Variants in NCAM2 observed in about 807,000 individuals in gnomAD.
NCAM2 encodes neural cell adhesion molecule 2.
A neutral mutation model predicts 98.1 loss-of-function variants in NCAM2; 30 were observed. The ratio of observed to expected loss-of-function variants is 0.31; its 90% CI spans 0.23 to 0.41. The LOEUF (loss-of-function observed/expected upper bound fraction) is 0.41. Ranked by LOEUF, NCAM2 falls within the 10% of genes least tolerant of loss-of-function variation. The pLI is 1.00. For missense variants in NCAM2, 867 were observed against 1,005.8 expected, an observed-to-expected ratio of 0.86 and a Z score of 1.87; for synonymous variants, 368 against 342.4, an observed-to-expected ratio of 1.07 and a Z score of -0.83.
intron 1 of NCAM2, among the ~76,000 whole-genome samples, chr21:21,105,922 A>G (rs186078817): frequency 4.5e-4 from 68 of 152,302 alleles, no homozygotes; most frequent in African/African-American, 1.6e-3. Context: ...TATCGTATAT[A>G]ATTAATCTTG....
intron 15 of NCAM2, among the ~76,000 whole-genome samples, chr21:21,506,093 T>C (rs932146675): frequency 1.3e-5 from 2 of 152,076 alleles, no homozygotes; most frequent in African/African-American, 4.8e-5. Context: ...ATCAGATATA[T>C]TGTCATTGAT....
chr21:21,096,136 G>A (rs1380882889), intron 1 of NCAM2, among the ~76,000 whole-genome samples: 1 of 151,558 alleles, frequency 6.6e-6, no homozygotes, highest in African/African-American at 2.4e-5. Context: ...TAATACTTCG[G>A]ATAATGCCAC....
intron 15 of NCAM2, among the ~76,000 whole-genome samples, chr21:21,485,911 A>C (rs954737399): frequency 2.6e-5 from 4 of 152,040 alleles, no homozygotes; most frequent in South Asian, 2.1e-4. Flanking sequence ...TTTTCTTTTA[A>C]CTTATCTTTT....
chr21:21,372,009 G>A (rs2075928115), intron 8 of NCAM2, among the ~76,000 whole-genome samples: 1 of 151,698 alleles, frequency 6.6e-6, no homozygotes, highest in East Asian at 1.9e-4. Flanking sequence ...AGAATAGAAA[G>A]TTTTGGAATA....
At chr21:21,272,752 G>T (rs2072566096) in intron 1 of NCAM2, among the ~76,000 whole-genome samples, 1 of 152,194 alleles carries the variant, frequency 6.6e-6, no homozygotes, top group African/African-American at 2.4e-5. Context: ...TGGCAAATAG[G>T]CTCAGTGGAT....
intron 9 of NCAM2, among the ~76,000 whole-genome samples, chr21:21,393,305 A>G (rs1004327019): frequency 4.6e-5 from 7 of 152,068 alleles, no homozygotes; most frequent in Non-Finnish European, 8.8e-5. Context: ...ATTGGTCTAT[A>G]TGTCTGCTCT....
At chr21:21,144,811 A>G (rs535641369) in intron 1 of NCAM2, among the ~76,000 whole-genome samples, 1 of 152,214 alleles carries the variant, frequency 6.6e-6, no homozygotes, top group African/African-American at 2.4e-5. Flanking sequence ...TAGTCTTGCT[A>G]GATGCATCTT....
chr21:21,173,630 CA>C (rs1160602554), intron 1 of NCAM2, among the ~76,000 whole-genome samples: 13 of 152,086 alleles, frequency 8.5e-5, no homozygotes, highest in Non-Finnish European at 1.9e-4. Context: ...AAGGAAATGC[CA>C]TAAAACCTCT....
chr21:21,060,714 A>G (rs572866573), intron 1 of NCAM2, among the ~76,000 whole-genome samples: 18 of 152,248 alleles, frequency 1.2e-4, no homozygotes, highest in African/African-American at 4.1e-4. Flanking sequence ...ACACACACAG[A>G]CATTTACCCA....
rs188399856 is a variant in NCAM2, at chr21:21,130,339, T to C, written c.55+131721T>C. ...ATTAATATTGTCAATAGGATTTTAT[T>C]AAATGTAGTTAATAAAATATTTAGT... On this transcript the variant is annotated intron_variant, in intron 1 of 17. Transcript: ENST00000400546. Among the ~76,000 whole-genome samples, 457 of 152,286 alleles carry C rather than the reference T, an allele frequency of 3.0e-3. 3 individuals are homozygous for C. The highest frequency in any genetic ancestry group is 0.011 in the African/African-American group (445 of 41,562).
At chr21:21,456,531 A>G (rs1226625590) in intron 12 of NCAM2, among the ~76,000 whole-genome samples, 1 of 152,200 alleles carries the variant, frequency 6.6e-6, no homozygotes, top group African/African-American at 2.4e-5. Context: ...TATTCTGAGA[A>G]AGACACTGTG....
Position 21,541,004 on chromosome 21 carries a change from C to A in NCAM2, c.*3047C>A, listed in dbSNP as rs1047413086. On this transcript the variant is annotated 3_prime_UTR_variant, in exon 18 of 18. Transcript: ENST00000400546. The stretch of plus-strand genomic sequence containing the variant: ...GTCTAACATTAATGTTTCTTGTTTT[C>A]TTTTATTTTTAATATTAATAACTAT... 1.3e-5 allele frequency: 2 copies of A among 151,538 alleles called. No homozygotes were observed. Among genetic ancestry groups the A allele is most frequent in the South Asian group, 2.1e-4 (1 of 4,812 alleles). The allele number at this position is 151,538 out of a possible 1,614,324, so 9.4% of individuals were successfully genotyped here.
intron 1 of NCAM2, among the ~76,000 whole-genome samples, chr21:21,157,379 A>T (rs2067647339): frequency 6.6e-6 from 1 of 152,138 alleles, no homozygotes; most frequent in Non-Finnish European, 1.5e-5. Flanking sequence ...TTGGCACATG[A>T]TATTATAGAT....
intron 15 of NCAM2, among the ~76,000 whole-genome samples, chr21:21,494,025 T>A (rs1406681709): frequency 6.6e-6 from 1 of 151,936 alleles, no homozygotes; most frequent in Admixed American, 6.6e-5. Context: ...TTGAAATATC[T>A]AAGATAGAAT....
intron 1 of NCAM2, among the ~76,000 whole-genome samples, chr21:21,061,549 A>C (rs1458166660): frequency 6.6e-6 from 1 of 152,158 alleles, no homozygotes; most frequent in Non-Finnish European, 1.5e-5. Flanking sequence ...GGAAATATTT[A>C]ATTAATCTGT....
chr21:21,232,935 T>C (rs1174513576), intron 1 of NCAM2, among the ~76,000 whole-genome samples: 1 of 151,600 alleles, frequency 6.6e-6, no homozygotes, highest in Non-Finnish European at 1.5e-5. Context: ...CTTAAAATTC[T>C]GGGAATTTTG....
intron 15 of NCAM2, among the ~76,000 whole-genome samples, chr21:21,482,876 C>A (rs1259556547): frequency 7.3e-5 from 11 of 151,626 alleles, no homozygotes; most frequent in Admixed American, 7.2e-4. Context: ...TCAGAATATT[C>A]ATGCAGCATA....
intron 11 of NCAM2, among the ~76,000 whole-genome samples, chr21:21,425,355 A>G (rs1030096719): frequency 2.0e-5 from 3 of 152,160 alleles, no homozygotes; most frequent in Non-Finnish European, 4.4e-5. Context: ...TCACTCTTCA[A>G]AATTTTTTTC....
At chr21:21,149,410 T>C (rs1016843936) in intron 1 of NCAM2, among the ~76,000 whole-genome samples, 8 of 152,168 alleles carry the variant, frequency 5.3e-5, no homozygotes, top group Non-Finnish European at 1.0e-4. Flanking sequence ...TTTTGATTTT[T>C]TATTTTACCT....
Sources: gnomAD v4.1 joint callset for allele counts (sites outside exome capture counted in the v4.1 genomes callset) on GRCh38, gnomAD v4.1.1 for gene constraint, MANE v1.5 for transcripts, NCBI Gene and HGNC (gene_info 2026-07-23, HGNC 2026-07-21) for gene names.